RNF111: variants seen among roughly 807,000 people sequenced by gnomAD.
RNF111 encodes the protein ring finger protein 111, also known as E3 ubiquitin-protein ligase Arkadia.
RNF111 carries 17 observed loss-of-function variants against 95.1 expected under a neutral mutation model. The observed-to-expected ratio is 0.18, with a 90% CI of 0.12 to 0.27. The LOEUF is 0.27. Among genes scored for constraint, RNF111 ranks in the 10% least tolerant of loss-of-function variants. The pLI is 1.00. For missense variants in RNF111, 1,189 were observed against 1,210.4 expected, an observed-to-expected ratio of 0.98 and a Z score of 0.26; for synonymous variants, 440 against 414.8, an observed-to-expected ratio of 1.06 and a Z score of -0.74.
At chr15:59,045,501 C>T (rs1346590705) in intron 2 of RNF111, among the ~76,000 whole-genome samples, 3 of 152,008 alleles carry the variant, frequency 2.0e-5, no homozygotes, top group Admixed American at 2.0e-4. Context: ...AGTTTTTCCT[C>T]TTTTTAAAAA....
At chr15:58,995,179 T>G (rs764172336) in intron 1 of RNF111, among the ~76,000 whole-genome samples, 10 of 152,200 alleles carry the variant, frequency 6.6e-5, no homozygotes, top group Admixed American at 1.3e-4. Context: ...CCAAGGCCCA[T>G]GTAGCATCCA....
At chr15:59,054,548 A>G (rs1053255816) in intron 3 of RNF111, among the ~76,000 whole-genome samples, 4 of 152,146 alleles carry the variant, frequency 2.6e-5, no homozygotes, top group Non-Finnish European at 4.4e-5. Context: ...TTATCCCAAG[A>G]CATGGCTATC....
intron 10 of RNF111, among the ~76,000 whole-genome samples, chr15:59,087,674 T>C (rs1326942000): frequency 6.6e-6 from 1 of 152,162 alleles, no homozygotes; most frequent in Non-Finnish European, 1.5e-5. Context: ...TCTTTCCTTA[T>C]TGTCTTCACA....
At chr15:59,031,772 G>A in intron 2 of RNF111, 70 bp downstream of exon 2, 2 of 1,383,742 alleles carry the variant, frequency 1.4e-6, no homozygotes, top group Non-Finnish European at 2.0e-6. Context: ...TTTTGTTTGT[G>A]TCTTACTGAT....
At chr15:59,054,645 A>C (rs1001793133) in intron 3 of RNF111, among the ~76,000 whole-genome samples, 19 of 151,944 alleles carry the variant, frequency 1.3e-4, no homozygotes, top group Admixed American at 2.0e-4. Flanking sequence ...CTCCTTCTTA[A>C]GAATTTTATT....
intron 11 of RNF111, among the ~76,000 whole-genome samples, chr15:59,090,713 T>C (rs1267830480): frequency 6.6e-6 from 1 of 152,226 alleles, no homozygotes; most frequent in Non-Finnish European, 1.5e-5. Flanking sequence ...TGCTGTACCA[T>C]TTCAGTTGGC....
At chr15:59,060,219 T>C (rs1289745350) in intron 5 of RNF111, among the ~76,000 whole-genome samples, 1 of 151,990 alleles carries the variant, frequency 6.6e-6, no homozygotes, top group Admixed American at 6.6e-5. Flanking sequence ...AGAAATGAAA[T>C]GGGCTTTTAT....
intron 1 of RNF111, among the ~76,000 whole-genome samples, chr15:59,011,463 T>C (rs2039808699): frequency 6.6e-6 from 1 of 152,202 alleles, no homozygotes; most frequent in Admixed American, 6.5e-5. Flanking sequence ...ATTAGTTTGC[T>C]TGGGCTGCGG....
At chr15:59,066,358 C>G (rs2042655344) in intron 5 of RNF111, among the ~76,000 whole-genome samples, 1 of 152,160 alleles carries the variant, frequency 6.6e-6, no homozygotes, top group Non-Finnish European at 1.5e-5. Context: ...CGCCTGTAAT[C>G]CCAGCACTTT....
At chr15:59,035,747 G>A (rs2141818745) in intron 2 of RNF111, among the ~76,000 whole-genome samples, 1 of 152,322 alleles carries the variant, frequency 6.6e-6, no homozygotes, top group East Asian at 1.9e-4. Flanking sequence ...TAGCAAGAGT[G>A]GCCCATTTAC....
chr15:58,995,895 T>C (rs1364768100), intron 1 of RNF111, among the ~76,000 whole-genome samples: 1 of 152,018 alleles, frequency 6.6e-6, no homozygotes, highest in African/African-American at 2.4e-5. Context: ...TGGTTCCTTT[T>C]AGTGAGCAAT....
In RNF111 at chr15:59,081,200, C is replaced by T. The variant is rs777596024; in HGVS notation, c.2213C>T (p.Thr738Ile). The T allele has an allele frequency of 4.3e-6, 7 of 1,614,222 alleles. No individual in the cohort carries two copies. In the Admixed American group the frequency reaches 8.3e-5, roughly 19 times the overall value. ...HQPISHHIPA[T>I]APPAQRLHPH... The stretch of plus-strand genomic sequence containing the variant: ...CCAATTTCGCACCATATTCCAGCCA[C>T]AGCACCTCCAGCACAGAGACTGCAT... The change falls in exon 8 of 14, where the codon ACA becomes ATA. Residue 738 changes from threonine to isoleucine, a missense_variant. Transcript: ENST00000348370.
intron 6 of RNF111, among the ~76,000 whole-genome samples, chr15:59,072,915 T>C (rs1457563179): frequency 6.7e-6 from 1 of 149,470 alleles, no homozygotes; most frequent in East Asian, 2.0e-4. Context: ...CAGCTGGGCA[T>C]GCTGGCTCAT....
At position 59,095,652 on chromosome 15, in the gene RNF111, T is replaced by G. The variant is rs1436698501; in HGVS notation, c.*752T>G. On this transcript the variant is annotated 3_prime_UTR_variant, in exon 14 of 14. Transcript: ENST00000348370. Reference sequence around the variant, plus strand: ...TCATTTAGAATTTTATTTCCCTGATTCAGTTTTTGCTGCTGTGAAACAGCT... The same window carrying G: ...TCATTTAGAATTTTATTTCCCTGATGCAGTTTTTGCTGCTGTGAAACAGCT... 1 of 188,686 alleles carries G rather than the reference T, an allele frequency of 5.3e-6. No homozygotes were observed. The highest frequency in any genetic ancestry group is 2.3e-5 in the African/African-American group (1 of 43,074). The allele number at this position is 188,686 out of a possible 1,614,324, so 11.7% of individuals were successfully genotyped here. A position where few individuals can be genotyped will look rare whatever the true frequency, so the allele number is the denominator to read the frequency against.
In RNF111 at chr15:59,015,625, A is replaced by G. The variant is rs1253291793; in HGVS notation, c.-19-15179A>G. ...TGACCCTAGCTTATTCTCCCCTACT[A>G]AAAAAAAAAAAAGAACAAAAGAACC... On this transcript the variant is annotated intron_variant, in intron 1 of 13. Transcript: ENST00000348370. Among the ~76,000 whole-genome samples the G allele has an allele frequency of 2.1e-5, 3 of 140,874 alleles. No individual in the cohort carries two copies. The East Asian group carries it at 6.0e-4, about 28-fold the overall frequency. The allele number at this position is 140,874 out of a possible 152,430, so 92.4% of individuals were successfully genotyped here. A position where few individuals can be genotyped will look rare whatever the true frequency, so the allele number is the denominator to read the frequency against.
intron 1 of RNF111, among the ~76,000 whole-genome samples, chr15:59,007,494 T>G (rs537439257): frequency 6.8e-4 from 104 of 152,326 alleles, no homozygotes; most frequent in African/African-American, 2.2e-3. Flanking sequence ...TTTTCTCTAA[T>G]TTTTGGCTAT....
chr15:59,001,353 A>C (rs2039316312), intron 1 of RNF111, among the ~76,000 whole-genome samples: 1 of 151,950 alleles, frequency 6.6e-6, no homozygotes, highest in Admixed American at 6.6e-5. Context: ...TCTTTTCTGG[A>C]TTTCCTGTCA....
At chr15:59,079,011 G>A (rs1190036327) in intron 7 of RNF111, among the ~76,000 whole-genome samples, 1 of 152,198 alleles carries the variant, frequency 6.6e-6, no homozygotes, top group East Asian at 1.9e-4. Flanking sequence ...TATGTTGAAC[G>A]TCTAGGAAAC....
rs2079167695 is a variant in RNF111, at chr15:59,095,807, T to C, written c.*907T>C. ...CTGCTAAGCACGAAAAGTTAAGATA[T>C]CTGCTTACATTGATTTTGTAGACAC... is the stretch of plus-strand genomic sequence containing the variant. On this transcript the variant is annotated 3_prime_UTR_variant, in exon 14 of 14. Coordinates refer to ENST00000348370, the MANE Select transcript of RNF111 (RefSeq NM_017610.8). The C allele has an allele frequency of 2.6e-6, 1 of 391,300 alleles. No homozygotes were observed. Among genetic ancestry groups the C allele is most frequent in the Non-Finnish European group, 4.5e-6 (1 of 221,660 alleles). 24.2% of individuals were successfully genotyped at this position (391,300 alleles called of 1,614,324 possible).
Sources: allele counts gnomAD v4.1 joint callset (sites outside exome capture counted in the v4.1 genomes callset), GRCh38; gene constraint gnomAD v4.1.1; transcripts MANE v1.5; gene names NCBI Gene and HGNC (gene_info 2026-07-23, HGNC 2026-07-21).